Variants in FAM227B observed in about 807,000 individuals in gnomAD.
FAM227B encodes family with sequence similarity 227 member B, also known as protein FAM227B.
FAM227B carries 88 observed loss-of-function variants against 73.8 expected under a neutral mutation model. That is an observed-to-expected ratio of 1.19 (90% CI 1.00 to 1.42). The LOEUF (loss-of-function observed/expected upper bound fraction) is 1.42. Ranked by LOEUF, FAM227B falls within the 40% of genes most tolerant of loss-of-function variation. The pLI is 0.00. For missense variants in FAM227B, 632 were observed against 590.9 expected, an observed-to-expected ratio of 1.07 and a Z score of -0.72; for synonymous variants, 210 against 190.5, an observed-to-expected ratio of 1.10 and a Z score of -0.84.
intron 11 of FAM227B, chr15:49,424,678 G>GA (rs2151750764): frequency 2.0e-5 from 20 of 995,118 alleles, no homozygotes; most frequent in Non-Finnish European, 2.3e-5. Flanking sequence ...TTGCTTCTTG[G>GA]AAAAAAAATT....
chr15:49,453,109 T>C (rs1057162820), intron 11 of FAM227B, among the ~76,000 whole-genome samples: 5 of 152,272 alleles, frequency 3.3e-5, no homozygotes, highest in East Asian at 1.9e-4. Context: ...AAATATTGCA[T>C]TGAGGTCAAC....
chr15:49,411,490 A>C (rs2151686084), intron 11 of FAM227B, among the ~76,000 whole-genome samples: 1 of 152,214 alleles, frequency 6.6e-6, no homozygotes, highest in East Asian at 1.9e-4. Flanking sequence ...CACTGGAAAT[A>C]AAGTATATTT....
At chr15:49,611,438 C>T (rs924233048) in intron 2 of FAM227B, among the ~76,000 whole-genome samples, 170 bp from the exon 3 acceptor site, 10 of 152,258 alleles carry the variant, frequency 6.6e-5, no homozygotes, top group African/African-American at 2.4e-4. Flanking sequence ...AAGGGACACA[C>T]ATAAATGTTT....
chr15:49,421,522 G>A (rs1036776741), intron 11 of FAM227B, among the ~76,000 whole-genome samples: 5 of 152,054 alleles, frequency 3.3e-5, no homozygotes, highest in African/African-American at 1.2e-4. Context: ...AGATATTAAG[G>A]AGGCACTAAG....
intron 11 of FAM227B, chr15:49,423,056 G>A (rs1456969318): frequency 9.5e-6 from 2 of 211,268 alleles, no homozygotes; most frequent in Non-Finnish European, 1.9e-5. Context: ...TTTCTACAAA[G>A]TAGGTACCCA....
chr15:49,465,949 C>T (rs960356376), intron 11 of FAM227B, among the ~76,000 whole-genome samples: 1 of 152,060 alleles, frequency 6.6e-6, no homozygotes, highest in African/African-American at 2.4e-5. Context: ...GTACCAAGTA[C>T]TGGGGGTTAG....
chr15:49,537,134 T>G (rs2070385311), intron 10 of FAM227B, among the ~76,000 whole-genome samples: 1 of 152,094 alleles, frequency 6.6e-6, no homozygotes, highest in Admixed American at 6.6e-5. Context: ...AATGGCAACC[T>G]ATGAATTAGG....
chr15:49,378,872 A>G (rs2046339233), intron 11 of FAM227B, among the ~76,000 whole-genome samples: 1 of 152,042 alleles, frequency 6.6e-6, no homozygotes, highest in South Asian at 2.1e-4. Flanking sequence ...CATCAATGTC[A>G]TGCTCTAGAT....
At chr15:49,384,488 T>C (rs2046751781) in intron 11 of FAM227B, among the ~76,000 whole-genome samples, 1 of 151,912 alleles carries the variant, frequency 6.6e-6, no homozygotes, top group African/African-American at 2.4e-5. Context: ...CAATGCAACA[T>C]AATAGCTCTA....
At position 49,328,271 on chromosome 15, in the gene FAM227B, CTAT is replaced by C; in HGVS notation, c.*294_*296del. The C allele has an allele frequency of 6.9e-7, 1 of 1,449,920 alleles. No homozygotes were observed. Among genetic ancestry groups the C allele is most frequent in the Non-Finnish European group, 9.1e-7 (1 of 1,101,798 alleles). 89.8% of individuals were successfully genotyped at this position (1,449,920 alleles called of 1,614,324 possible). ...TGTTTTGTATTATGATGAACGGTTG[CTAT>C]TATATCAAGATATATTTTCAAAGAA... On this transcript the variant is annotated 3_prime_UTR_variant, in exon 16 of 16. Transcript: ENST00000299338.
chr15:49,589,781 T>C lies in FAM227B; in HGVS notation c.332A>G (p.Glu111Gly), dbSNP rs2076414270. 2.6e-6 allele frequency: 4 copies of C among 1,555,926 alleles called. No individual in the cohort carries two copies. The highest frequency in any genetic ancestry group is 2.2e-5 in the East Asian group (1 of 44,558). ...TAAAAATAAATAAGGCTCACTTGTCTCAGAAATCATGCTTTTCCACTTAAA... is the reference window on the plus strand; with the variant it reads ...TAAAAATAAATAAGGCTCACTTGTCCCAGAAATCATGCTTTTCCACTTAAA... Reference protein sequence around the residue: ...EIFKWKSMISETSSYRKLERY... With the variant: ...EIFKWKSMISGTSSYRKLERY... The change falls in exon 4 of 16, where the codon GAG (glutamate) becomes GGG (glycine). Residue 111 changes from glutamate to glycine, a missense_variant. Coordinates refer to ENST00000299338, the MANE Select transcript of FAM227B (RefSeq NM_152647.3).
At chr15:49,403,700 CA>C (rs201083135) in intron 11 of FAM227B, among the ~76,000 whole-genome samples, 86 of 148,846 alleles carry the variant, frequency 5.8e-4, no homozygotes, top group African/African-American at 1.7e-3. Context: ...TAATTTTTTT[CA>C]AAAAAAAACT....
intron 11 of FAM227B, among the ~76,000 whole-genome samples, chr15:49,380,517 A>G (rs1282184057): frequency 2.0e-5 from 3 of 152,146 alleles, no homozygotes; most frequent in Non-Finnish European, 4.4e-5. Context: ...CACTAAGTAA[A>G]CCCATAAAAG....
At chr15:49,363,331 T>C (rs1273808759) in intron 13 of FAM227B, among the ~76,000 whole-genome samples, 1 of 152,188 alleles carries the variant, frequency 6.6e-6, no homozygotes, top group Non-Finnish European at 1.5e-5. Flanking sequence ...GTTGTAGAGA[T>C]CTTTTGCTTA....
chr15:49,431,729 G>GA (rs1319222875), intron 11 of FAM227B, among the ~76,000 whole-genome samples: 1 of 151,594 alleles, frequency 6.6e-6, no homozygotes, highest in Non-Finnish European at 1.5e-5. Context: ...AAGAGAAAAG[G>GA]AAAAAGACTT....
intron 9 of FAM227B, among the ~76,000 whole-genome samples, chr15:49,542,725 T>TATATAA (rs1386348987): frequency 6.7e-6 from 1 of 149,360 alleles, no homozygotes; most frequent in Non-Finnish European, 1.5e-5. Context: ...TATATATATA[T>TATATAA]AATTAAAACT....
chr15:49,367,391 G>C, intron 13 of FAM227B, 57 bp downstream of exon 13: 1 of 1,404,914 alleles, frequency 7.1e-7, no homozygotes. Context: ...TCAGTGAAAT[G>C]TTTTGAATAT....
chr15:49,558,611 CT>C, intron 9 of FAM227B, among the ~76,000 whole-genome samples: 1 of 152,258 alleles, frequency 6.6e-6, no homozygotes, highest in East Asian at 1.9e-4. Flanking sequence ...CTGCCTGCCC[CT>C]GGTTTCCACC....
At position 49,359,532 on chromosome 15, in the gene FAM227B, C is replaced by T. The variant is rs575974082; in HGVS notation, c.1271+7916G>A. The stretch of plus-strand genomic sequence containing the variant: ...GTCAGAGAAATGCAAATCAAAACCA[C>T]AATGAGATACCATCTCACACCAGTT... On this transcript the variant is annotated intron_variant, in intron 13 of 15. Transcript: ENST00000299338. Among the ~76,000 whole-genome samples, 49 of 117,474 alleles carry T rather than the reference C, an allele frequency of 4.2e-4. 11 individuals are homozygous for T. Among genetic ancestry groups the T allele is most frequent in the African/African-American group, 1.4e-3 (43 of 30,430 alleles). 77.1% of individuals were successfully genotyped at this position (117,474 alleles called of 152,430 possible).
Sources: gnomAD v4.1 joint callset for allele counts (sites outside exome capture counted in the v4.1 genomes callset) on GRCh38, gnomAD v4.1.1 for gene constraint, MANE v1.5 for transcripts, NCBI Gene and HGNC (gene_info 2026-07-23, HGNC 2026-07-21) for gene names.